Variants in ARHGEF7 observed in about 807,000 individuals in gnomAD.
ARHGEF7 encodes the protein Rho guanine nucleotide exchange factor 7.
ARHGEF7 carries 33 observed loss-of-function variants against 109.8 expected under a neutral mutation model. That is an observed-to-expected ratio of 0.30 (90% CI 0.23 to 0.40). The LOEUF (loss-of-function observed/expected upper bound fraction) is 0.40, where lower values mean the gene tolerates loss of function less well. Ranked by LOEUF, ARHGEF7 falls within the 10% of genes least tolerant of loss-of-function variation. The pLI, the probability that ARHGEF7 is intolerant of heterozygous loss-of-function variation, is 1.00. For missense variants in ARHGEF7, 938 were observed against 1,098.5 expected (o/e 0.85, Z 2.07); for synonymous variants, 458 against 424.6 (o/e 1.08, Z -0.97).
chr13:111,242,742 G>T lies in ARHGEF7; in HGVS notation c.760-1130G>T, dbSNP rs1050464199. 4.6e-5 allele frequency among the ~76,000 whole-genome samples: 7 copies of T among 152,336 alleles called. No individual in the cohort carries two copies. The East Asian group carries it at 7.7e-4, about 17-fold the overall frequency. ...TGCAGTGGCAGGAGGACCTGGGGCC[G>T]CTGTCTGGCTCTGCTTTTCTCAGCT... On this transcript the variant is annotated intron_variant, in intron 6 of 21. Coordinates refer to ENST00000646102, the MANE Select transcript of ARHGEF7 (RefSeq NM_001354046.2).
Position 111,266,880 on chromosome 13 carries a change from C to T in ARHGEF7, c.951-668C>T, listed in dbSNP as rs576925017. ...TGTTGTCCTTCAGAAACTCTGAGGT[C>T]TGGAGAGGTGAGCGTGTACCCCGTT... On this transcript the variant is annotated intron_variant, in intron 8 of 21. Coordinates refer to ENST00000646102, the MANE Select transcript of ARHGEF7 (RefSeq NM_001354046.2). This position sits in a 1 kb window ranked among gnomAD's most constrained non-coding sequence, Gnocchi z 4.8. The T allele has an allele frequency of 2.2e-6, 1 of 456,090 alleles. No homozygotes were observed. Among genetic ancestry groups the T allele is most frequent in the South Asian group, 1.5e-5 (1 of 64,566 alleles). 28.3% of individuals were successfully genotyped at this position (456,090 alleles called of 1,614,324 possible). A position where few individuals can be genotyped will look rare whatever the true frequency, so the allele number is the denominator to read the frequency against.
At chr13:111,115,963 G>A (rs2066730928) in intron 1 of ARHGEF7, among the ~76,000 whole-genome samples, 1 of 151,962 alleles carries the variant, frequency 6.6e-6, no homozygotes, top group African/African-American at 2.4e-5. Context: ...ACCGCAGCGA[G>A]GAGACGGGGC....
chr13:111,165,347 G>A (rs1321175287), intron 2 of ARHGEF7, among the ~76,000 whole-genome samples: 1 of 152,182 alleles, frequency 6.6e-6, no homozygotes, highest in Admixed American at 6.5e-5. Context: ...GTGGGCAGCC[G>A]GGTAAGTCTT....
rs372237924 is a variant in ARHGEF7, at chr13:111,206,410, A to C, written c.337+1037A>C. Among the ~76,000 whole-genome samples, 426 of 152,168 alleles carry C rather than the reference A, an allele frequency of 2.8e-3. 1 individual carries two copies. Among genetic ancestry groups the C allele is most frequent in the African/African-American group, 9.5e-3 (394 of 41,500 alleles). Reference sequence around the variant, plus strand: ...CTGGAAGCTGATGCTGCTGCTGCTGATGCTGATGCCCCGGCGAGAGGCACT... The same window carrying C: ...CTGGAAGCTGATGCTGCTGCTGCTGCTGCTGATGCCCCGGCGAGAGGCACT... On this transcript the variant is annotated intron_variant, in intron 3 of 21. Coordinates refer to ENST00000646102, the MANE Select transcript of ARHGEF7 (RefSeq NM_001354046.2).
intron 6 of ARHGEF7, among the ~76,000 whole-genome samples, chr13:111,238,466 G>T (rs926157428): frequency 6.6e-6 from 1 of 152,204 alleles, no homozygotes; most frequent in East Asian, 1.9e-4. Context: ...GGAACAGAAG[G>T]CATCACTGAG....
intron 16 of ARHGEF7, 125 bp from the exon 17 acceptor site, chr13:111,286,022 G>A (rs1319600024): frequency 6.0e-6 from 4 of 662,304 alleles, no homozygotes; most frequent in Admixed American, 2.8e-5. Context: ...GTAGGAAAAG[G>A]CGAGAAGCTC....
Position 111,271,655 on chromosome 13 carries a change from AAGAC to A in ARHGEF7, c.1074-2153_1074-2150del, listed in dbSNP as rs2092158448. On this transcript the variant is annotated intron_variant, in intron 9 of 21. Transcript: ENST00000646102. The stretch of plus-strand genomic sequence containing the variant: ...TCGTGCGTGCGTGCTCTCTCTCACA[AAGAC>A]AGACACCACGTACACACACTCGGAA... Among the ~76,000 whole-genome samples the A allele has an allele frequency of 2.6e-5, 4 of 152,178 alleles. No homozygotes were observed. The South Asian group carries it at 6.2e-4, about 24-fold the overall frequency.
intron 19 of ARHGEF7, chr13:111,294,589 T>C (rs2093383416): frequency 1.0e-6 from 1 of 985,352 alleles, no homozygotes; most frequent in South Asian, 4.7e-5. Flanking sequence ...GCATTTGTTT[T>C]GAATGTCTAA....
chr13:111,179,614 A>G (rs1170378746), intron 2 of ARHGEF7, among the ~76,000 whole-genome samples: 3 of 152,208 alleles, frequency 2.0e-5, no homozygotes, highest in Non-Finnish European at 4.4e-5. Context: ...TGGTCTCAGA[A>G]TGACGTTTAT....
At chr13:111,253,022 G>A (rs1266368214) in intron 8 of ARHGEF7, among the ~76,000 whole-genome samples, 3 of 152,276 alleles carry the variant, frequency 2.0e-5, no homozygotes, top group Non-Finnish European at 4.4e-5. Context: ...GCCAGGCCCA[G>A]CAGCAGCTGG....
intron 2 of ARHGEF7, among the ~76,000 whole-genome samples, chr13:111,160,113 T>A (rs2076632080): frequency 6.6e-6 from 1 of 152,228 alleles, no homozygotes; most frequent in South Asian, 2.1e-4. Context: ...AAGACTGTCC[T>A]TTTCCCATTG....
At chr13:111,203,162 A>G in intron 2 of ARHGEF7, 2 of 1,199,908 alleles carry the variant, frequency 1.7e-6, no homozygotes, top group Non-Finnish European at 2.2e-6. Flanking sequence ...AGTATACAAA[A>G]TTGACAAAAT....
chr13:111,274,784 C>T lies in ARHGEF7; in HGVS notation c.1266C>T (p.Asn422=), dbSNP rs61749898. The T allele has an allele frequency of 2.7e-6, 4 of 1,483,350 alleles. No homozygotes were observed. Among genetic ancestry groups the T allele is most frequent in the Non-Finnish European group, 3.6e-6 (4 of 1,112,084 alleles). 91.9% of individuals were successfully genotyped at this position (1,483,350 alleles called of 1,614,324 possible). ...AAAAATCCATGGCTGCCTTCAAAAA[C>T]CTTTCAGTAAGTGATTAAGCATATT... ...DIQKSMAAFK[N]LSAQCQEVRK... is the part of the protein sequence containing the mutation. Residue 422 remains asparagine, a synonymous_variant, in exon 11 of 22, where the codon AAC becomes AAT. Transcript: ENST00000646102.
chr13:111,116,559 G>A (rs2066799227), intron 1 of ARHGEF7: 1 of 151,370 alleles, frequency 6.6e-6, no homozygotes, highest in East Asian at 2.0e-4. Context: ...GTGTTTCTTC[G>A]GGGGGTGGGG....
At position 111,294,088 on chromosome 13, in the gene ARHGEF7, T is replaced by C. The variant is rs369026405; in HGVS notation, c.2311+1794T>C. ...ATACCAATTAGTAAAAATAAGAACATTGAGGAGCAGTCAGAGCCCAGTGTT... is the reference window on the plus strand; with the variant it reads ...ATACCAATTAGTAAAAATAAGAACACTGAGGAGCAGTCAGAGCCCAGTGTT... On this transcript the variant is annotated intron_variant, in intron 19 of 21. Transcript: ENST00000646102. 399 of 985,412 alleles carry C rather than the reference T, an allele frequency of 4.0e-4. 1 individual carries two copies. The African/African-American group carries it at 6.3e-3, about 16-fold the overall frequency. The allele number at this position is 985,412 out of a possible 1,614,324, so 61.0% of individuals were successfully genotyped here.
chr13:111,297,829 T>C (rs1273461753), intron 19 of ARHGEF7, among the ~76,000 whole-genome samples: 1 of 152,242 alleles, frequency 6.6e-6, no homozygotes, highest in African/African-American at 2.4e-5. Flanking sequence ...AATGTTAATG[T>C]TGGAAACAGA....
chr13:111,274,726 C>G lies in ARHGEF7; in HGVS notation c.1213-5C>G. On this transcript the variant is annotated splice_region_variant and splice_polypyrimidine_tract_variant and intron_variant, in intron 10 of 21. Coordinates refer to ENST00000646102, the MANE Select transcript of ARHGEF7 (RefSeq NM_001354046.2). ...AAGCTAATTGTATGTTTCTTTTACT[C>G]AAAGGATTATCATACAGATAGACAA... 1 of 1,467,614 alleles carries G rather than the reference C, an allele frequency of 6.8e-7. No individual in the cohort carries two copies. 90.9% of individuals were successfully genotyped at this position (1,467,614 alleles called of 1,614,324 possible).
intron 5 of ARHGEF7, among the ~76,000 whole-genome samples, chr13:111,221,231 A>G (rs2083879677): frequency 1.8e-5 from 1 of 54,936 alleles, no homozygotes; most frequent in Non-Finnish European, 3.5e-5. Context: ...ATATATCTAT[A>G]TAGATATATA....
intron 4 of ARHGEF7, among the ~76,000 whole-genome samples, chr13:111,215,079 T>A (rs758600415): frequency 6.6e-6 from 1 of 152,056 alleles, no homozygotes; most frequent in Non-Finnish European, 1.5e-5. Flanking sequence ...CTTTTTTTGT[T>A]TTGATTTTTA....
Sources: allele counts gnomAD v4.1 joint callset (sites outside exome capture counted in the v4.1 genomes callset), GRCh38; gene constraint gnomAD v4.1.1; non-coding constraint Gnocchi (gnomAD v3.1); transcripts MANE v1.5; gene names NCBI Gene and HGNC (gene_info 2026-07-23, HGNC 2026-07-21).